Variants in CDH12 observed in about 807,000 individuals in gnomAD.
The protein encoded by CDH12 is cadherin 12.
In CDH12, 41 loss-of-function variants were observed where a neutral mutation model predicts 74.1. That is an observed-to-expected ratio of 0.55 (90% confidence interval 0.43 to 0.72). CDH12 has a LOEUF of 0.72. CDH12 is among the 30% of genes least tolerant of loss of function. The pLI, the probability that CDH12 is intolerant of heterozygous loss-of-function variation, is 0.00. For missense variants in CDH12, 945 were observed against 977.2 expected, an observed-to-expected ratio of 0.97 and a Z score of 0.44; for synonymous variants, 399 against 355.0, an observed-to-expected ratio of 1.12 and a Z score of -1.39.
chr5:22,308,573 C>A (rs1218569028), intron 3 of CDH12, among the ~76,000 whole-genome samples: 1 of 152,078 alleles, frequency 6.6e-6, no homozygotes, highest in Non-Finnish European at 1.5e-5. Flanking sequence ...AATAAGTACA[C>A]TAAAAACCAT....
chr5:22,635,734 T>C (rs1738806841), intron 1 of CDH12, among the ~76,000 whole-genome samples: 2 of 152,076 alleles, frequency 1.3e-5, no homozygotes, highest in South Asian at 4.1e-4. Flanking sequence ...ACCAACATGG[T>C]GAAACCTCGT....
chr5:22,374,616 G>A (rs1010767602), intron 3 of CDH12, among the ~76,000 whole-genome samples: 5 of 152,016 alleles, frequency 3.3e-5, no homozygotes, highest in Non-Finnish European at 5.9e-5. Context: ...TAAAGTTGCA[G>A]TGTACAAAAT....
At chr5:21,822,920 T>C (rs1218771121) in intron 8 of CDH12, among the ~76,000 whole-genome samples, 1 of 152,118 alleles carries the variant, frequency 6.6e-6, no homozygotes, top group East Asian at 1.9e-4. Context: ...TTTTTCTAGT[T>C]CTGAGCAGCT....
intron 5 of CDH12, among the ~76,000 whole-genome samples, chr5:22,017,223 C>T (rs968274613): frequency 6.6e-6 from 1 of 152,060 alleles, no homozygotes; most frequent in Admixed American, 6.6e-5. Context: ...GACAGACCAC[C>T]CTGAAGGCTT....
At chr5:22,693,496 A>T (rs1438904834) in intron 1 of CDH12, among the ~76,000 whole-genome samples, 2 of 152,168 alleles carry the variant, frequency 1.3e-5, no homozygotes, top group Admixed American at 6.5e-5. Flanking sequence ...TAAAGTAAAG[A>T]AATAACCCAT....
chr5:22,285,288 C>T (rs924654739), intron 3 of CDH12, among the ~76,000 whole-genome samples: 4 of 152,162 alleles, frequency 2.6e-5, no homozygotes, highest in Admixed American at 1.3e-4. Context: ...AAAGACGTAA[C>T]AACTTTCTCC....
At chr5:22,430,380 C>A (rs1481179180) in intron 2 of CDH12, among the ~76,000 whole-genome samples, 2 of 150,830 alleles carry the variant, frequency 1.3e-5, no homozygotes, top group Admixed American at 6.6e-5. Context: ...TACATAGTAC[C>A]CATAAAACAG....
At chr5:22,730,673 T>C (rs952183265) in intron 1 of CDH12, among the ~76,000 whole-genome samples, 1 of 151,830 alleles carries the variant, frequency 6.6e-6, no homozygotes, top group Non-Finnish European at 1.5e-5. Flanking sequence ...TTTGTTCACA[T>C]TGAAGTTGGG....
intron 1 of CDH12, chr5:22,580,403 G>C (rs778770139): frequency 6.0e-6 from 3 of 496,178 alleles, no homozygotes; most frequent in Non-Finnish European, 8.3e-6. Flanking sequence ...AGGGTGGGTA[G>C]GGAGCATCCT....
chr5:22,474,962 G>A (rs766768967), intron 2 of CDH12, among the ~76,000 whole-genome samples: 3 of 151,578 alleles, frequency 2.0e-5, no homozygotes, highest in Non-Finnish European at 2.9e-5. Flanking sequence ...CTTTATAACA[G>A]CTCTGAAGTC....
At chr5:22,700,390 C>T (rs997044747) in intron 1 of CDH12, among the ~76,000 whole-genome samples, 1 of 152,166 alleles carries the variant, frequency 6.6e-6, no homozygotes. Flanking sequence ...GAATCTTCCC[C>T]TCACCACATG....
rs766295945 is a variant in CDH12 at position 22,358,587 on chromosome 5, G to A, written c.-333+46670C>T. ...TATATATAATTGGGCCTAAAATTTAGTAAAAATGAACACTGTCATATATTC... is the reference window on the plus strand; with the variant it reads ...TATATATAATTGGGCCTAAAATTTAATAAAAATGAACACTGTCATATATTC... On this transcript the variant is annotated intron_variant, in intron 3 of 14. Coordinates refer to ENST00000382254, the MANE Select transcript of CDH12 (RefSeq NM_004061.5). Among the ~76,000 whole-genome samples the A allele has an allele frequency of 3.3e-5, 5 of 152,134 alleles. No individual in the cohort carries two copies. In the South Asian group the frequency reaches 1.0e-3, roughly 31 times the overall value.
At chr5:22,249,157 A>G (rs986524667) in intron 3 of CDH12, among the ~76,000 whole-genome samples, 1 of 152,214 alleles carries the variant, frequency 6.6e-6, no homozygotes, top group Non-Finnish European at 1.5e-5. Flanking sequence ...AAAAATGACA[A>G]AAGTATCACT....
intron 14 of CDH12, among the ~76,000 whole-genome samples, chr5:21,753,931 T>C (rs1744239356): frequency 6.6e-6 from 1 of 152,026 alleles, no homozygotes; most frequent in Non-Finnish European, 1.5e-5. Flanking sequence ...TATTTGGAAA[T>C]AGAGTATAGC....
intron 2 of CDH12, among the ~76,000 whole-genome samples, chr5:22,472,172 TAGTTTAAAAAATTCTTATTA>T (rs1745985700): frequency 6.6e-6 from 1 of 152,078 alleles, no homozygotes; most frequent in East Asian, 1.9e-4. Flanking sequence ...CTTCCTAAAT[TAGTTTAAAAAATTCTTATTA>T]AGTCAGAGCT....
chr5:22,408,053 T>C (rs1040039722), intron 2 of CDH12, among the ~76,000 whole-genome samples: 2 of 152,080 alleles, frequency 1.3e-5, no homozygotes, highest in African/African-American at 4.8e-5. Flanking sequence ...AGTCAGTTTA[T>C]TTTTAGTTTT....
At chr5:21,980,338 T>C (rs575721454) in intron 5 of CDH12, among the ~76,000 whole-genome samples, 181 of 152,174 alleles carry the variant, frequency 1.2e-3, no homozygotes, top group African/African-American at 4.2e-3. Context: ...CCCTGGACAG[T>C]TACCACATAT....
At chr5:21,970,170 C>T (rs1756775357) in intron 6 of CDH12, among the ~76,000 whole-genome samples, 1 of 152,018 alleles carries the variant, frequency 6.6e-6, no homozygotes, top group Admixed American at 6.6e-5. Flanking sequence ...TACATTAATG[C>T]AAATTTCCTG....
At chr5:22,211,391 C>A (rs1751530142) in intron 4 of CDH12, among the ~76,000 whole-genome samples, 1 of 152,042 alleles carries the variant, frequency 6.6e-6, no homozygotes, top group Admixed American at 6.6e-5. Context: ...TTATGTCATA[C>A]AATATCAAGG....
Sources: allele counts gnomAD v4.1 joint callset (sites outside exome capture counted in the v4.1 genomes callset), GRCh38; gene constraint gnomAD v4.1.1; transcripts MANE v1.5; gene names NCBI Gene and HGNC (gene_info 2026-07-23, HGNC 2026-07-21).